The following BRD7 variants were observed in gnomAD, a reference collection of about 807,000 sequenced individuals.
BRD7 encodes the protein bromodomain-containing protein 7.
A neutral mutation model predicts 82.1 loss-of-function variants in BRD7; 15 were observed. The ratio of observed to expected loss-of-function variants is 0.18; its 90% CI spans 0.12 to 0.28. The LOEUF (loss-of-function observed/expected upper bound fraction) is 0.28. BRD7 is among the 10% of genes least tolerant of loss of function. BRD7 has a pLI of 1.00. For missense variants in BRD7, 638 were observed against 779.9 expected (o/e 0.82, Z 2.17); for synonymous variants, 232 against 266.9 (o/e 0.87, Z 1.27).
At chr16:50,360,323 C>T (rs2038890991) in intron 2 of BRD7, among the ~76,000 whole-genome samples, 1 of 152,228 alleles carries the variant, frequency 6.6e-6, no homozygotes, top group South Asian at 2.1e-4. Flanking sequence ...TACTGTCCTT[C>T]AGGTTGGTTA....
At chr16:50,342,512 C>T (rs2038110144) in intron 5 of BRD7, among the ~76,000 whole-genome samples, 1 of 136,040 alleles carries the variant, frequency 7.4e-6, no homozygotes, top group Admixed American at 8.1e-5. Context: ...GCTCTGCCTC[C>T]TGGGTTCACG....
intron 13 of BRD7, 65 bp downstream of exon 13, chr16:50,321,917 A>C (rs2037134590): frequency 6.8e-7 from 1 of 1,477,702 alleles, no homozygotes; most frequent in Non-Finnish European, 9.4e-7. Context: ...TCCCATTCTC[A>C]AGACTTCTCT....
At chr16:50,351,404 C>T (rs1275543606) in intron 4 of BRD7, among the ~76,000 whole-genome samples, 1 of 152,208 alleles carries the variant, frequency 6.6e-6, no homozygotes, top group Non-Finnish European at 1.5e-5. Flanking sequence ...AGGACCCATA[C>T]ATCAAAATGT....
intron 11 of BRD7, among the ~76,000 whole-genome samples, chr16:50,325,280 A>G (rs1040847262): frequency 1.3e-5 from 2 of 152,152 alleles, no homozygotes; most frequent in African/African-American, 2.4e-5. Flanking sequence ...TTTAACTGCA[A>G]TGGTCTACCT....
chr16:50,336,705 C>A (rs2037815226), intron 6 of BRD7, among the ~76,000 whole-genome samples: 1 of 152,082 alleles, frequency 6.6e-6, no homozygotes, highest in Admixed American at 6.5e-5. Context: ...AATTTTATTT[C>A]CACTCTAGAA....
At chr16:50,339,324 T>C (rs549986245) in intron 6 of BRD7, among the ~76,000 whole-genome samples, 2 of 152,370 alleles carry the variant, frequency 1.3e-5, no homozygotes, top group African/African-American at 2.4e-5. Context: ...TGACCATCAA[T>C]GAGTACACTC....
chr16:50,348,735 A>G (rs770834870), intron 5 of BRD7, among the ~76,000 whole-genome samples: 7 of 152,220 alleles, frequency 4.6e-5, no homozygotes, highest in Non-Finnish European at 4.4e-5. Context: ...TAGAACGGTG[A>G]TCATTAAAAA....
intron 7 of BRD7, among the ~76,000 whole-genome samples, 157 bp from the exon 8 acceptor site, chr16:50,333,854 T>C (rs574325059): frequency 1.3e-5 from 2 of 152,334 alleles, no homozygotes; most frequent in East Asian, 3.9e-4. Flanking sequence ...TAAGGGTCTC[T>C]AATTTAAGAA....
intron 8 of BRD7, among the ~76,000 whole-genome samples, chr16:50,329,957 C>G (rs1192550005): frequency 6.6e-6 from 1 of 152,154 alleles, no homozygotes; most frequent in Non-Finnish European, 1.5e-5. Context: ...TTGGCTGTCC[C>G]CCCTTCCTCT....
intron 9 of BRD7, among the ~76,000 whole-genome samples, chr16:50,327,924 CAG>C (rs1466267441): frequency 6.6e-6 from 1 of 152,228 alleles, no homozygotes; most frequent in African/African-American, 2.4e-5. Flanking sequence ...CAATAAACAT[CAG>C]AGACTGTTTC....
intron 7 of BRD7, among the ~76,000 whole-genome samples, chr16:50,334,467 T>C (rs1420377449): frequency 2.6e-5 from 4 of 152,168 alleles, no homozygotes; most frequent in Non-Finnish European, 4.4e-5. Flanking sequence ...CTTTATAGGT[T>C]TTAAAACTAC....
chr16:50,352,802 C>A (rs1456737373), intron 4 of BRD7, among the ~76,000 whole-genome samples: 1 of 140,762 alleles, frequency 7.1e-6, no homozygotes, highest in African/African-American at 2.6e-5. Flanking sequence ...AGCATTTTTT[C>A]ATATACCTGT....
chr16:50,349,513 G>A (rs1208443985), intron 5 of BRD7: 3 of 468,210 alleles, frequency 6.4e-6, no homozygotes, highest in Non-Finnish European at 1.3e-5. Flanking sequence ...TCATGTTCCA[G>A]TACGATTGTA....
rs375451688 is a variant in BRD7, at chr16:50,333,626, C to T, written c.959G>A (p.Arg320His). The T allele has an allele frequency of 1.1e-5, 18 of 1,611,542 alleles. 1 individual carries two copies. In the South Asian group the frequency reaches 1.5e-4, roughly 14 times the overall value. Residue 320 changes from arginine to histidine, a missense_variant, in exon 8 of 17, where the codon CGC (arginine) becomes CAC (histidine). This residue lies in a region of BRD7 where 402 missense variants were observed against 500.8 expected (regional missense o/e 0.80). Transcript: ENST00000394688. ...NLEREQEQLDRIVKESGGKLT... is the reference protein window; with the variant it reads ...NLEREQEQLDHIVKESGGKLT... ...CTTTCCTCCAGATTCCTTCACGATG[C>T]GGTCAAGCTGCTCCTGCTCTCTCTC...
At chr16:50,368,515 C>CA in intron 1 of BRD7, 1 of 728,750 alleles carries the variant, frequency 1.4e-6, no homozygotes, top group South Asian at 2.1e-5. Context: ...CACGTCTCCC[C>CA]ACCAGAGACC....
chr16:50,333,255 T>C (rs1039354811), intron 8 of BRD7, among the ~76,000 whole-genome samples: 21 of 152,236 alleles, frequency 1.4e-4, no homozygotes, highest in African/African-American at 4.8e-4. Flanking sequence ...ACTTCATTTT[T>C]TAAAAATCCA....
intron 5 of BRD7, among the ~76,000 whole-genome samples, chr16:50,348,369 A>C (rs1298407641): frequency 2.0e-5 from 3 of 152,250 alleles, no homozygotes; most frequent in African/African-American, 7.2e-5. Flanking sequence ...TTCATGACTA[A>C]AACACCAAAA....
chr16:50,357,974 T>C (rs558152091), intron 2 of BRD7, among the ~76,000 whole-genome samples: 19 of 152,154 alleles, frequency 1.2e-4, no homozygotes, highest in Non-Finnish European at 2.2e-4. Flanking sequence ...AACAAGACTC[T>C]GTCTCAAAAA....
intron 9 of BRD7, 38 bp from the exon 10 acceptor site, chr16:50,326,429 A>G (rs750916594): frequency 1.4e-6 from 2 of 1,441,406 alleles, no homozygotes; most frequent in Non-Finnish European, 9.3e-7. Context: ...GGAGGCCTAC[A>G]TGGCCATGAC....
Sources: gnomAD v4.1 joint callset for allele counts (sites outside exome capture counted in the v4.1 genomes callset) on GRCh38, gnomAD v4.1.1 for gene constraint, gnomAD v4.1.1 regional missense constraint, MANE v1.5 for transcripts, NCBI Gene and HGNC (gene_info 2026-07-23, HGNC 2026-07-21) for gene names.